The following NTSR2 variants were observed in gnomAD, a reference collection of about 807,000 sequenced individuals.
The protein encoded by NTSR2 is neurotensin receptor type 2.
In NTSR2, 22 loss-of-function variants were observed where a neutral mutation model predicts 24.1. That is an observed-to-expected ratio of 0.91 (90% CI 0.65 to 1.30). The LOEUF (loss-of-function observed/expected upper bound fraction) is 1.30, where lower values mean the gene tolerates loss of function less well. Ranked by LOEUF, NTSR2 falls within the 50% of genes most tolerant of loss-of-function variation. The pLI is 0.00. For synonymous variants in NTSR2, 291 were observed against 267.0 expected, an observed-to-expected ratio of 1.09 and a Z score of -0.88; for missense variants, 570 against 570.4, an observed-to-expected ratio of 1.00 and a Z score of 0.01.
rs543532202 is a variant in NTSR2 at position 11,659,045 on chromosome 2, G to T, written c.990-323C>A. 8.8e-4 allele frequency among the ~76,000 whole-genome samples: 134 copies of T among 152,252 alleles called. 1 individual carries two copies. The highest frequency in any genetic ancestry group is 3.2e-3 in the African/African-American group (132 of 41,542). ...TTTTTGTATTTTTAGTAGAGACGCG[G>T]TTTCACCATGTTGGCCAGACTGGTC... On this transcript the variant is annotated intron_variant, in intron 3 of 3. Coordinates refer to ENST00000306928, the MANE Select transcript of NTSR2 (RefSeq NM_012344.4).
At chr2:11,666,297 C>CTCA (rs1661197833) in intron 1 of NTSR2, among the ~76,000 whole-genome samples, 1 of 152,206 alleles carries the variant, frequency 6.6e-6, no homozygotes, top group Non-Finnish European at 1.5e-5. Context: ...CAAACTCTCA[C>CTCA]ACCCCTTTGC....
At chr2:11,663,285 C>T (rs1403100334) in intron 1 of NTSR2, among the ~76,000 whole-genome samples, 5 of 151,966 alleles carry the variant, frequency 3.3e-5, no homozygotes, top group South Asian at 2.1e-4. Context: ...CAGGACCCAC[C>T]GAGGGATGGA....
chr2:11,661,391 GA>G (rs1403034668), intron 2 of NTSR2, among the ~76,000 whole-genome samples: 1 of 152,116 alleles, frequency 6.6e-6, no homozygotes, highest in East Asian at 1.9e-4. Context: ...CCATACACAA[GA>G]CTGTGACATT....
At position 11,658,716 on chromosome 2, in the gene NTSR2, CAGT is replaced by C; in HGVS notation, c.993_995del (p.Leu332del). ...TGTAGAAGTAGTGGTAGAAATTGTA[CAGT>C]GGGCTGCAAGAGAAACCCGGGAGCC... On this transcript the variant is annotated inframe_deletion, in exon 4 of 4. Coordinates refer to ENST00000306928, the MANE Select transcript of NTSR2 (RefSeq NM_012344.4). 1 of 1,613,812 alleles carries C rather than the reference CAGT, an allele frequency of 6.2e-7. No homozygotes were observed.
intron 1 of NTSR2, chr2:11,666,100 C>T (rs145119513): frequency 6.6e-6 from 1 of 152,270 alleles, no homozygotes; most frequent in African/African-American, 2.4e-5. Context: ...GAGGATGATA[C>T]CCCTTGGTAG....
At chr2:11,661,621 C>T (rs1034617092) in intron 2 of NTSR2, among the ~76,000 whole-genome samples, 1 of 152,100 alleles carries the variant, frequency 6.6e-6, no homozygotes, top group Admixed American at 6.6e-5. Flanking sequence ...GGTACCCAGC[C>T]CATCTGAGAG....
chr2:11,658,822 G>A (rs1156847990), intron 3 of NTSR2, 100 bp from the exon 4 acceptor site: 7 of 1,366,166 alleles, frequency 5.1e-6, no homozygotes, highest in South Asian at 2.8e-5. Flanking sequence ...GCTGCATGAC[G>A]AAGCCTATTT....
chr2:11,660,478 T>C (rs1661047223), intron 2 of NTSR2, among the ~76,000 whole-genome samples: 1 of 152,150 alleles, frequency 6.6e-6, no homozygotes, highest in African/African-American at 2.4e-5. Flanking sequence ...AGAACTGTCT[T>C]TCTTGGGCCA....
chr2:11,658,617 G>A lies in NTSR2; in HGVS notation c.1095C>T (p.Phe365=). Residue 365 remains phenylalanine, a synonymous_variant, in exon 4 of 4, where the codon TTC becomes TTT. Coordinates refer to ENST00000306928, the MANE Select transcript of NTSR2 (RefSeq NM_012344.4). ...PLLYNAVSSS[F]RKLFLEAVSS... ...TGACGGCTTCCAGGAAGAGTTTTCT[G>A]AAGGAGGAGGACACGGCGTTGTAGA... 1 of 1,614,198 alleles carries A rather than the reference G, an allele frequency of 6.2e-7. No individual in the cohort carries two copies. Among genetic ancestry groups the A allele is most frequent in the Non-Finnish European group, 8.5e-7 (1 of 1,180,048 alleles).
At chr2:11,659,413 G>A (rs1205506787) in intron 3 of NTSR2, among the ~76,000 whole-genome samples, 1 of 152,250 alleles carries the variant, frequency 6.6e-6, no homozygotes, top group African/African-American at 2.4e-5. Context: ...TCTCTGCAGT[G>A]GGAAGCGCTT....
In NTSR2 at chr2:11,670,016, G is replaced by T; in HGVS notation, c.114C>A (p.Leu38=). 6.6e-7 allele frequency: 1 copy of T among 1,517,594 alleles called. No homozygotes were observed. Among genetic ancestry groups the T allele is most frequent in the Non-Finnish European group, 8.8e-7 (1 of 1,138,364 alleles). 94.0% of individuals were successfully genotyped at this position (1,517,594 alleles called of 1,614,324 possible). The part of the protein sequence containing the change: ...RLWAKVLFTA[L]YALIWALGAA... Reference sequence around the variant, plus strand: ...CGCCCAGCGCCCAGATGAGTGCGTAGAGCGCGGTGAACAGCACCTTGGCCC... The same window carrying T: ...CGCCCAGCGCCCAGATGAGTGCGTATAGCGCGGTGAACAGCACCTTGGCCC... Residue 38 remains leucine, a synonymous_variant, in exon 1 of 4, where the codon CTC becomes CTA. Transcript: ENST00000306928.
chr2:11,668,533 C>T (rs933095918), intron 1 of NTSR2, among the ~76,000 whole-genome samples: 1 of 152,206 alleles, frequency 6.6e-6, no homozygotes, highest in Non-Finnish European at 1.5e-5. Context: ...TAAACGCTCC[C>T]ACATACCCTC....
chr2:11,669,938 GC>G lies in NTSR2; in HGVS notation c.191del (p.Arg64ProfsTer61), dbSNP rs1661295616. ...GCACGTGGTGGCGCAGGCGCCCCGC[GC>G]GCCCGGCCCGCGCCTTCAGCACCAC... ...AHVVLKARAGRAGRLRHHVLS... is the reference protein window; with the variant it reads ...AHVVLKARAGXAGRLRHHVLS... On this transcript the variant is annotated frameshift_variant, in exon 1 of 4. Transcript: ENST00000306928. LOFTEE classifies it high-confidence loss of function. 6.6e-7 allele frequency: 1 copy of G among 1,518,268 alleles called. No individual in the cohort carries two copies. The highest frequency in any genetic ancestry group is 1.4e-5 in the African/African-American group (1 of 70,864). The allele number at this position is 1,518,268 out of a possible 1,614,324, so 94.0% of individuals were successfully genotyped here. A position where few individuals can be genotyped will look rare whatever the true frequency, so the allele number is the denominator to read the frequency against.
chr2:11,663,779 G>T (rs1661133935), intron 1 of NTSR2, among the ~76,000 whole-genome samples: 1 of 149,834 alleles, frequency 6.7e-6, no homozygotes, highest in African/African-American at 2.4e-5. Context: ...ATTTTCTGTA[G>T]ATATAAGACA....
intron 1 of NTSR2, among the ~76,000 whole-genome samples, chr2:11,667,369 C>T (rs964040500): frequency 2.2e-4 from 33 of 152,124 alleles, no homozygotes; most frequent in African/African-American, 8.0e-4. Flanking sequence ...TTTTTTGAGA[C>T]AGGGTCTTGC....
chr2:11,660,783 A>G (rs1283925544), intron 2 of NTSR2, among the ~76,000 whole-genome samples: 6 of 152,216 alleles, frequency 3.9e-5, no homozygotes, highest in Non-Finnish European at 8.8e-5. Context: ...TTGTCTTAGA[A>G]AGCCTCTTGC....
At position 11,658,555 on chromosome 2, in the gene NTSR2, A is replaced by G. The variant is rs766582840; in HGVS notation, c.1157T>C (p.Leu386Ser). The change falls in exon 4 of 4, where the codon TTA (leucine) becomes TCA (serine). Residue 386 changes from leucine (L) to serine (S), a missense_variant. Leu to Ser is a moderately radical substitution (Grantham distance 145, BLOSUM62 -2). Coordinates refer to ENST00000306928, the MANE Select transcript of NTSR2 (RefSeq NM_012344.4). ...GGTGGGACTCTGGGGCTTCGGGGGT[A>G]ACCGCTTCATGGGGTGGTGCTCTCC... is the stretch of plus-strand genomic sequence containing the variant. ...LCGEHHPMKR[L>S]PPKPQSPTLM... 4 of 1,614,058 alleles carry G rather than the reference A, an allele frequency of 2.5e-6. No individual in the cohort carries two copies. The highest frequency in any genetic ancestry group is 2.5e-6 in the Non-Finnish European group (3 of 1,180,024).
At chr2:11,669,460 G>GGGGGGGGGGGCGGGCCCC in intron 1 of NTSR2, 46 bp downstream of exon 1, 1 of 254,726 alleles carries the variant, frequency 3.9e-6, no homozygotes. Context: ...TCCCAGCACC[G>GGGGGGGGGGGCGGGCCCC]CCCCCCCACC....
At chr2:11,658,876 T>C (rs1277761768) in intron 3 of NTSR2, among the ~76,000 whole-genome samples, 154 bp from the exon 4 acceptor site, 2 of 152,146 alleles carry the variant, frequency 1.3e-5, no homozygotes, top group African/African-American at 4.8e-5. Context: ...TTGTTTGTTT[T>C]TGAGACGGAG....
Sources: allele counts gnomAD v4.1 joint callset (sites outside exome capture counted in the v4.1 genomes callset), GRCh38; gene constraint gnomAD v4.1.1; transcripts MANE v1.5; gene names NCBI Gene and HGNC (gene_info 2026-07-23, HGNC 2026-07-21).